CCDC88A: variants seen among roughly 807,000 people sequenced by gnomAD.
CCDC88A encodes the protein coiled-coil and HOOK domain protein 88A, also known as girdin.
Under a neutral mutation model 234.3 loss-of-function variants are expected in CCDC88A, and 54 were observed. The ratio of observed to expected loss-of-function variants is 0.23; its 90% CI spans 0.19 to 0.29. CCDC88A has a LOEUF of 0.29. Ranked by LOEUF, CCDC88A falls within the 10% of genes least tolerant of loss-of-function variation. The probability of loss-of-function intolerance (pLI) is 1.00; values close to 1 mark genes in which losing one functional copy is unlikely to be tolerated. For synonymous variants in CCDC88A, 753 were observed against 737.8 expected, an observed-to-expected ratio of 1.02 and a Z score of -0.33; for missense variants, 1,832 against 2,123.4, an observed-to-expected ratio of 0.86 and a Z score of 2.70.
intron 31 of CCDC88A, among the ~76,000 whole-genome samples, chr2:55,293,150 G>C (rs1255703153): frequency 6.6e-6 from 1 of 151,938 alleles, no homozygotes; most frequent in Non-Finnish European, 1.5e-5. Context: ...AATTTTGAAT[G>C]AATAAATACA....
Position 55,335,097 on chromosome 2 carries a change from T to G in CCDC88A, c.1724A>C (p.Gln575Pro), listed in dbSNP as rs1252971120. ...TTTCACTCTTGCTTCTGCACTTATC[T>G]GGGACCGCTGCCTTAAGGAAGACAC... ...QTVSSLRQRS[Q>P]ISAEARVKDI... Residue 575 changes from glutamine to proline, a missense_variant, in exon 15 of 33, where the codon CAG becomes CCG. Around this residue, in one of 6 missense-constraint regions of CCDC88A, gnomAD observed 1,282 missense variants for 1,543.6 expected, o/e 0.83. Transcript: ENST00000436346. This position sits in a 1 kb window ranked among gnomAD's most constrained non-coding sequence, Gnocchi z 4.5. 1.2e-6 allele frequency: 2 copies of G among 1,600,422 alleles called. No homozygotes were observed. The highest frequency in any genetic ancestry group is 2.7e-5 in the African/African-American group (2 of 74,130).
At chr2:55,301,462 T>G in intron 27 of CCDC88A, 185 bp from the exon 28 acceptor site, 1 of 525,530 alleles carries the variant, frequency 1.9e-6, no homozygotes, top group Non-Finnish European at 3.3e-6. Context: ...CTCATTAGAG[T>G]TGACTTGCTT....
chr2:55,357,186 C>G (rs1670691296), intron 7 of CCDC88A, among the ~76,000 whole-genome samples: 1 of 152,310 alleles, frequency 6.6e-6, no homozygotes, highest in East Asian at 1.9e-4. Flanking sequence ...AATCACACAA[C>G]TAGCTAATAC....
At chr2:55,372,292 T>C (rs1672960105) in intron 5 of CCDC88A, among the ~76,000 whole-genome samples, 160 bp downstream of exon 5, 1 of 152,218 alleles carries the variant, frequency 6.6e-6, no homozygotes. Context: ...GTGGTTTTTT[T>C]CAATGTAATC....
At chr2:55,333,412 T>C (rs759280902) in intron 15 of CCDC88A, among the ~76,000 whole-genome samples, 4 of 152,200 alleles carry the variant, frequency 2.6e-5, no homozygotes, top group African/African-American at 4.8e-5. Context: ...TCTTGATACA[T>C]AGATTCAAGC....
chr2:55,334,699 T>G lies in CCDC88A; in HGVS notation c.2122A>C (p.Arg708=). Residue 708 remains arginine (R), a synonymous_variant, in exon 15 of 33, where the codon AGG becomes CGG. Coordinates refer to ENST00000436346, the MANE Select transcript of CCDC88A (RefSeq NM_001365480.1). This position sits in a 1 kb window ranked among gnomAD's most constrained non-coding sequence, Gnocchi z 6.1. ...QLDEENLELR[R]NVESLKCASM... is the part of the protein sequence containing the mutation. Reference sequence around the variant, plus strand: ...GCACACTTCAAAGATTCTACATTCCTTCGCAGTTCTAAGTTTTCCTCATCA... The same window carrying G: ...GCACACTTCAAAGATTCTACATTCCGTCGCAGTTCTAAGTTTTCCTCATCA... The G allele has an allele frequency of 6.2e-7, 1 of 1,613,634 alleles. No homozygotes were observed. The highest frequency in any genetic ancestry group is 8.5e-7 in the Non-Finnish European group (1 of 1,179,728).
Position 55,336,752 on chromosome 2 carries a change from T to TAA in CCDC88A, c.1584_1585insTT (p.Lys529LeufsTer4). ...TGAGCTTTCTCCTTCATTAGATCCT[T>TAA]GCTTAAATTCTGACAATTCTGAAGA... On this transcript the variant is annotated frameshift_variant, in exon 14 of 33. Coordinates refer to ENST00000436346, the MANE Select transcript of CCDC88A (RefSeq NM_001365480.1). LOFTEE classifies it high-confidence loss of function. 1 of 1,597,560 alleles carries TAA rather than the reference T, an allele frequency of 6.3e-7. No individual in the cohort carries two copies. Among genetic ancestry groups the TAA allele is most frequent in the Non-Finnish European group, 8.5e-7 (1 of 1,170,040 alleles).
At chr2:55,308,060 C>G (rs771908160) in intron 25 of CCDC88A, 1 of 150,898 alleles carries the variant, frequency 6.6e-6, no homozygotes, top group Non-Finnish European at 1.5e-5. Context: ...CTCAGCCTCC[C>G]GAGTAGCTGG....
chr2:55,376,303 G>A (rs182917458), intron 3 of CCDC88A, among the ~76,000 whole-genome samples: 40 of 152,266 alleles, frequency 2.6e-4, no homozygotes, highest in Admixed American at 2.4e-3. Flanking sequence ...TTGACTACAT[G>A]TTCAGATATA....
intron 2 of CCDC88A, among the ~76,000 whole-genome samples, chr2:55,396,446 C>A (rs1284821864): frequency 6.6e-6 from 1 of 152,180 alleles, no homozygotes; most frequent in Non-Finnish European, 1.5e-5. Context: ...TTTAGAGATA[C>A]CTGGTTTCAC....
At chr2:55,387,567 C>T (rs1186773847) in intron 3 of CCDC88A, among the ~76,000 whole-genome samples, 1 of 151,382 alleles carries the variant, frequency 6.6e-6, no homozygotes, top group Non-Finnish European at 1.5e-5. Context: ...AGATCACTTG[C>T]GGTCAGGAGT....
intron 2 of CCDC88A, among the ~76,000 whole-genome samples, chr2:55,400,615 A>G (rs1171200652): frequency 6.6e-6 from 1 of 152,276 alleles, no homozygotes; most frequent in Non-Finnish European, 1.5e-5. Context: ...AGTTAAAGTT[A>G]GCAATTTTGC....
chr2:55,316,275 A>C (rs1330669882), intron 21 of CCDC88A, among the ~76,000 whole-genome samples, 161 bp from the exon 22 acceptor site: 2 of 152,192 alleles, frequency 1.3e-5, no homozygotes, highest in African/African-American at 4.8e-5. Context: ...ATTCTGTAAA[A>C]ACTAGATTTT....
chr2:55,363,161 T>C (rs1472436698), intron 6 of CCDC88A, among the ~76,000 whole-genome samples: 1 of 151,958 alleles, frequency 6.6e-6, no homozygotes, highest in Admixed American at 6.6e-5. Context: ...AAACTACATC[T>C]TGTAAAGTAC....
At chr2:55,392,865 G>A (rs1325549509) in intron 2 of CCDC88A, among the ~76,000 whole-genome samples, 1 of 151,918 alleles carries the variant, frequency 6.6e-6, no homozygotes, top group Admixed American at 6.6e-5. Flanking sequence ...GTCCCACTAA[G>A]CCATTTGTCT....
intron 31 of CCDC88A, chr2:55,294,313 A>C (rs1679774709): frequency 1.0e-6 from 1 of 983,492 alleles, no homozygotes; most frequent in Non-Finnish European, 1.2e-6. Flanking sequence ...AGATGATGAA[A>C]AGTGCAGAGA....
rs1215619366 is a variant in CCDC88A at position 55,399,226 on chromosome 2, T to C, written c.165-10340A>G. ...TATATGGGCTAAATAACAGAAGAAATTGCTTTTAAAAAAGTTTAAAAAGCT... is the reference window on the plus strand; with the variant it reads ...TATATGGGCTAAATAACAGAAGAAACTGCTTTTAAAAAAGTTTAAAAAGCT... On this transcript the variant is annotated intron_variant, in intron 2 of 32. Transcript: ENST00000436346. Among the ~76,000 whole-genome samples, 6 of 152,104 alleles carry C rather than the reference T, an allele frequency of 3.9e-5. No homozygotes were observed. In the East Asian group the frequency reaches 1.2e-3, roughly 29 times the overall value.
Position 55,334,631 on chromosome 2 carries a change from C to T in CCDC88A, c.2190G>A (p.Leu730=). ...TCTTAAGTTGCTCTTTTTCACTTTC[C>T]AGTTCTTTGTTTTCTAGCTGTAGCT... ...MAQLQLENKE[L]ESEKEQLKKG... is the part of the protein sequence containing the mutation. The change falls in exon 15 of 33, where the codon CTG becomes CTA. Residue 730 remains leucine, a synonymous_variant. Coordinates refer to ENST00000436346, the MANE Select transcript of CCDC88A (RefSeq NM_001365480.1). The surrounding 1 kb of genome is among the most constrained non-coding windows in gnomAD (Gnocchi z 6.1). 6.2e-7 allele frequency: 1 copy of T among 1,613,608 alleles called. No individual in the cohort carries two copies. Among genetic ancestry groups the T allele is most frequent in the Non-Finnish European group, 8.5e-7 (1 of 1,179,830 alleles).
intron 13 of CCDC88A, 122 bp downstream of exon 13, chr2:55,339,342 A>T: frequency 1.1e-6 from 1 of 931,532 alleles, no homozygotes; most frequent in South Asian, 1.8e-5. Flanking sequence ...ATATTTGAAA[A>T]TTTTCATAAC....
Sources: allele counts gnomAD v4.1 joint callset (sites outside exome capture counted in the v4.1 genomes callset), GRCh38; gene constraint gnomAD v4.1.1; regional missense constraint gnomAD v4.1.1; non-coding constraint Gnocchi (gnomAD v3.1); transcripts MANE v1.5; gene names NCBI Gene and HGNC (gene_info 2026-07-23, HGNC 2026-07-21).